Variants in INSYN2B observed in about 807,000 individuals in gnomAD.
INSYN2B encodes protein INSYN2B.
INSYN2B carries 16 observed loss-of-function variants against 41.2 expected under a neutral mutation model. The observed-to-expected ratio is 0.39, with a 90% CI of 0.26 to 0.59. The LOEUF (loss-of-function observed/expected upper bound fraction) is 0.59, where lower values mean the gene tolerates loss of function less well. INSYN2B is among the 20% of genes least tolerant of loss of function. The probability of loss-of-function intolerance (pLI) is 0.57; values close to 1 mark genes in which losing one functional copy is unlikely to be tolerated. For synonymous variants in INSYN2B, 245 were observed against 244.4 expected (o/e 1.00, Z -0.02); for missense variants, 608 against 646.4 (o/e 0.94, Z 0.64).
At chr5:169,909,130 C>T (rs147075613) in intron 1 of INSYN2B, among the ~76,000 whole-genome samples, 7 of 152,284 alleles carry the variant, frequency 4.6e-5, no homozygotes, top group Non-Finnish European at 5.9e-5. Flanking sequence ...TTTGCTGTGC[C>T]TCCATTTCTA....
At chr5:169,903,684 C>T (rs1488297783) in intron 1 of INSYN2B, among the ~76,000 whole-genome samples, 2 of 151,842 alleles carry the variant, frequency 1.3e-5, no homozygotes, top group African/African-American at 4.8e-5. Flanking sequence ...CCTAGAGGGT[C>T]GAACTTACTC....
rs1195573580 is a variant in INSYN2B at position 169,906,315 on chromosome 5, G to T, written c.-918-21499C>A. Reference sequence around the variant, plus strand: ...GTACTGACTACTGATTATTTCAAAGGCTCCCAAGCCAGTGTGTGCACATGG... The same window carrying T: ...GTACTGACTACTGATTATTTCAAAGTCTCCCAAGCCAGTGTGTGCACATGG... On this transcript the variant is annotated intron_variant, in intron 1 of 3. Coordinates refer to ENST00000377365, the MANE Select transcript of INSYN2B (RefSeq NM_001129891.3). Among the ~76,000 whole-genome samples the T allele has an allele frequency of 2.0e-5, 3 of 152,128 alleles. No individual in the cohort carries two copies. The East Asian group carries it at 5.8e-4, about 29-fold the overall frequency.
intron 1 of INSYN2B, among the ~76,000 whole-genome samples, chr5:169,908,430 C>A (rs1180282847): frequency 1.3e-5 from 2 of 152,010 alleles, no homozygotes; most frequent in Non-Finnish European, 2.9e-5. Context: ...AAAACTAATC[C>A]CCAAATCATG....
chr5:169,934,499 A>C (rs1364056463), intron 1 of INSYN2B, among the ~76,000 whole-genome samples: 2 of 152,158 alleles, frequency 1.3e-5, no homozygotes, highest in African/African-American at 4.8e-5. Context: ...ATGCTAGGAG[A>C]TGGAATGCTT....
chr5:169,901,516 G>GA (rs1773923435), intron 1 of INSYN2B, among the ~76,000 whole-genome samples: 1 of 152,148 alleles, frequency 6.6e-6, no homozygotes, highest in Admixed American at 6.5e-5. Flanking sequence ...GTTTTTCTGA[G>GA]AAAATGGACT....
chr5:169,975,908 T>G (rs1374609339), intron 1 of INSYN2B, among the ~76,000 whole-genome samples: 1 of 152,158 alleles, frequency 6.6e-6, no homozygotes, highest in East Asian at 1.9e-4. Flanking sequence ...AAATATTTGT[T>G]GAATTAAGAA....
intron 1 of INSYN2B, among the ~76,000 whole-genome samples, chr5:169,969,668 A>C (rs1352731708): frequency 2.0e-5 from 3 of 152,208 alleles, no homozygotes; most frequent in Non-Finnish European, 4.4e-5. Flanking sequence ...CAGTGCCTAC[A>C]GGGTCCAGGC....
At chr5:169,918,478 T>C (rs989316631) in intron 1 of INSYN2B, among the ~76,000 whole-genome samples, 2 of 152,220 alleles carry the variant, frequency 1.3e-5, no homozygotes, top group African/African-American at 4.8e-5. Context: ...AGAATATTCA[T>C]GCTGAGAGCA....
At chr5:169,938,797 A>C (rs986476066) in intron 1 of INSYN2B, among the ~76,000 whole-genome samples, 1 of 151,810 alleles carries the variant, frequency 6.6e-6, no homozygotes, top group Non-Finnish European at 1.5e-5. Flanking sequence ...TTAACTTTTT[A>C]CTCTTTTGTA....
chr5:169,908,361 A>C (rs1310683329), intron 1 of INSYN2B, among the ~76,000 whole-genome samples: 13 of 152,148 alleles, frequency 8.5e-5, no homozygotes, highest in Admixed American at 8.5e-4. Flanking sequence ...GATTACTCAC[A>C]TGCATATAGG....
chr5:169,864,959 T>C (rs1269308561), intron 3 of INSYN2B, among the ~76,000 whole-genome samples: 1 of 152,224 alleles, frequency 6.6e-6, no homozygotes, highest in East Asian at 1.9e-4. Context: ...GAGTAGTGCC[T>C]GGCGTGCGCT....
chr5:169,979,488 A>C (rs1397951117), intron 1 of INSYN2B, among the ~76,000 whole-genome samples: 1 of 152,186 alleles, frequency 6.6e-6, no homozygotes, highest in African/African-American at 2.4e-5. Flanking sequence ...TGGTTTTTAA[A>C]ATCCAAATGA....
chr5:169,871,354 A>G (rs759313750), intron 3 of INSYN2B, among the ~76,000 whole-genome samples: 4 of 152,242 alleles, frequency 2.6e-5, no homozygotes. Context: ...ACATTAGATT[A>G]GGATACATGG....
chr5:169,930,242 G>A (rs1040380142), intron 1 of INSYN2B, among the ~76,000 whole-genome samples: 5 of 152,040 alleles, frequency 3.3e-5, no homozygotes, highest in Admixed American at 6.6e-5. Flanking sequence ...CGCCTGCCTC[G>A]GCCTCCCAAA....
In INSYN2B at chr5:169,862,561, C is replaced by T. The variant is rs994163019; in HGVS notation, c.*1712G>A. On this transcript the variant is annotated 3_prime_UTR_variant, in exon 4 of 4. Coordinates refer to ENST00000377365, the MANE Select transcript of INSYN2B (RefSeq NM_001129891.3). ...GGTAGCATATCTTATTGAAATGTGG[C>T]TTCTTAAGTATGACAAGTGTATTTA... 1.3e-5 allele frequency among the ~76,000 whole-genome samples: 2 copies of T among 152,154 alleles called. No individual in the cohort carries two copies. The highest frequency in any genetic ancestry group is 2.9e-5 in the Non-Finnish European group (2 of 68,020).
intron 3 of INSYN2B, among the ~76,000 whole-genome samples, chr5:169,872,022 T>A (rs1352088640): frequency 6.6e-6 from 1 of 152,212 alleles, no homozygotes; most frequent in Non-Finnish European, 1.5e-5. Context: ...CCTGCTCTTT[T>A]ATAAACAGGC....
At position 169,896,044 on chromosome 5, in the gene INSYN2B, C is replaced by T. The variant is rs568834668; in HGVS notation, c.-918-11228G>A. Reference sequence around the variant, plus strand: ...CCCTCCATGATCCTTTCTGGGCCAACGACCAGGACAGCCTTTCTGTTTCCC... The same window carrying T: ...CCCTCCATGATCCTTTCTGGGCCAATGACCAGGACAGCCTTTCTGTTTCCC... On this transcript the variant is annotated intron_variant, in intron 1 of 3. Transcript: ENST00000377365. 2.5e-3 allele frequency among the ~76,000 whole-genome samples: 374 copies of T among 152,276 alleles called. 2 individuals are homozygous for T. Among genetic ancestry groups the T allele is most frequent in the Non-Finnish European group, 4.4e-3 (301 of 68,010 alleles).
At chr5:169,968,814 G>T (rs567623676) in intron 1 of INSYN2B, among the ~76,000 whole-genome samples, 2 of 152,300 alleles carry the variant, frequency 1.3e-5, no homozygotes, top group African/African-American at 2.4e-5. Context: ...AAGATGGACT[G>T]CCCTGTTCTA....
Position 169,883,966 on chromosome 5 carries a change from G to A in INSYN2B, c.-68C>T, listed in dbSNP as rs1581354889. 2.9e-6 allele frequency: 4 copies of A among 1,359,788 alleles called. No homozygotes were observed. Among genetic ancestry groups the A allele is most frequent in the East Asian group, 2.5e-5 (1 of 39,450 alleles). The allele number at this position is 1,359,788 out of a possible 1,614,324, so 84.2% of individuals were successfully genotyped here. A position where few individuals can be genotyped will look rare whatever the true frequency, so the allele number is the denominator to read the frequency against. On this transcript the variant is annotated 5_prime_UTR_variant, in exon 2 of 4. Coordinates refer to ENST00000377365, the MANE Select transcript of INSYN2B (RefSeq NM_001129891.3). ...GCACATCTCCCCTTAGGTCTTTGGA[G>A]CAGTATCTAATGATAGTATTTCAAT...
Sources: allele counts gnomAD v4.1 joint callset (sites outside exome capture counted in the v4.1 genomes callset), GRCh38; gene constraint gnomAD v4.1.1; transcripts MANE v1.5; gene names NCBI Gene and HGNC (gene_info 2026-07-23, HGNC 2026-07-21).